The following FAF1 variants were observed in gnomAD, a reference collection of about 807,000 sequenced individuals.
FAF1 encodes FAS-associated factor 1.
Under a neutral mutation model 92.5 loss-of-function variants are expected in FAF1, and 25 were observed. That is an observed-to-expected ratio of 0.27 (90% confidence interval 0.20 to 0.38). FAF1 has a LOEUF of 0.38. Ranked by LOEUF, FAF1 falls within the 10% of genes least tolerant of loss-of-function variation. FAF1 has a pLI of 1.00. For synonymous variants in FAF1, 234 were observed against 273.2 expected, an observed-to-expected ratio of 0.86 and a Z score of 1.42; for missense variants, 636 against 793.3, an observed-to-expected ratio of 0.80 and a Z score of 2.38.
chr1:50,877,219 C>T (rs1051352541), intron 1 of FAF1, among the ~76,000 whole-genome samples: 1 of 152,206 alleles, frequency 6.6e-6, no homozygotes, highest in Non-Finnish European at 1.5e-5. Context: ...ATCAACAATG[C>T]TAAGTCATGT....
At chr1:50,632,135 A>G (rs1283170674) in intron 8 of FAF1, among the ~76,000 whole-genome samples, 1 of 152,230 alleles carries the variant, frequency 6.6e-6, no homozygotes, top group Non-Finnish European at 1.5e-5. Flanking sequence ...TAAGTTAACA[A>G]TAAGAAGTAA....
chr1:50,876,202 C>T (rs775393892), intron 1 of FAF1, among the ~76,000 whole-genome samples: 3 of 152,116 alleles, frequency 2.0e-5, no homozygotes, highest in Non-Finnish European at 4.4e-5. Flanking sequence ...GTACGTCAGG[C>T]AAATAAAAGG....
chr1:50,713,696 C>T (rs761752660), intron 6 of FAF1, among the ~76,000 whole-genome samples: 6 of 151,530 alleles, frequency 4.0e-5, no homozygotes, highest in Non-Finnish European at 7.4e-5. Flanking sequence ...CTCCTGGCTT[C>T]AAGTGATCCT....
chr1:50,772,519 T>TA (rs147924652), intron 4 of FAF1, among the ~76,000 whole-genome samples: 1 of 151,988 alleles, frequency 6.6e-6, no homozygotes, highest in African/African-American at 2.4e-5. Context: ...ACCACAGCCA[T>TA]AAAAAAAGAA....
At chr1:50,459,164 A>T (rs918034879) in intron 18 of FAF1, among the ~76,000 whole-genome samples, 7 of 151,812 alleles carry the variant, frequency 4.6e-5, no homozygotes, top group Admixed American at 3.3e-4. Flanking sequence ...AGTAGAGACG[A>T]TGTATTGCTA....
At chr1:50,633,977 C>G (rs74080030) in intron 8 of FAF1, among the ~76,000 whole-genome samples, 25 of 152,276 alleles carry the variant, frequency 1.6e-4, no homozygotes, top group African/African-American at 6.0e-4. Flanking sequence ...AACAAAAAGA[C>G]TTTCATTGGC....
intron 15 of FAF1, among the ~76,000 whole-genome samples, chr1:50,530,281 A>G (rs866655974): frequency 9.3e-4 from 113 of 121,064 alleles, no homozygotes; most frequent in South Asian, 3.7e-3. Context: ...GTGTGTATGT[A>G]TATATGTATA....
At chr1:50,515,962 G>C in intron 15 of FAF1, among the ~76,000 whole-genome samples, 1 of 151,890 alleles carries the variant, frequency 6.6e-6, no homozygotes, top group Non-Finnish European at 1.5e-5. Flanking sequence ...TATATTATTA[G>C]TATTACTGCA....
chr1:50,499,393 C>T (rs1192165518), intron 15 of FAF1, among the ~76,000 whole-genome samples: 1 of 144,878 alleles, frequency 6.9e-6, no homozygotes, highest in Non-Finnish European at 1.5e-5. Context: ...TAAATAGATG[C>T]CCTCTTTATC....
chr1:50,710,950 C>T (rs927659073), intron 6 of FAF1, among the ~76,000 whole-genome samples: 1 of 145,222 alleles, frequency 6.9e-6, no homozygotes, highest in Non-Finnish European at 1.5e-5. Context: ...TGCACTGTCA[C>T]CCAGGCTGGA....
At chr1:50,826,752 CA>C (rs1201571108) in intron 2 of FAF1, among the ~76,000 whole-genome samples, 1 of 151,970 alleles carries the variant, frequency 6.6e-6, no homozygotes, top group East Asian at 1.9e-4. Flanking sequence ...TTTAGATAGA[CA>C]AACTCTTAAC....
rs79952613 is a variant in FAF1, at chr1:50,603,533, G to A, written c.745-7317C>T. The stretch of plus-strand genomic sequence containing the variant: ...TAGATTACTGAGGTAGTTTTAAACC[G>A]AACTGAGTCATGAGGCTAAAATTTC... On this transcript the variant is annotated intron_variant, in intron 8 of 18. Transcript: ENST00000396153. 5.5e-4 allele frequency among the ~76,000 whole-genome samples: 84 copies of A among 152,238 alleles called. No individual in the cohort carries two copies. The East Asian group carries it at 8.1e-3, about 15-fold the overall frequency.
intron 17 of FAF1, among the ~76,000 whole-genome samples, chr1:50,485,864 G>C (rs1162205018): frequency 6.6e-6 from 1 of 151,992 alleles, no homozygotes; most frequent in Non-Finnish European, 1.5e-5. Flanking sequence ...GCAGGGGAGA[G>C]AGAGAGAGAA....
intron 2 of FAF1, among the ~76,000 whole-genome samples, chr1:50,848,666 T>G (rs1055687871): frequency 3.3e-5 from 5 of 152,134 alleles, no homozygotes; most frequent in Non-Finnish European, 7.4e-5. Context: ...TGTTACACTA[T>G]GAAAAATAAA....
At chr1:50,647,549 T>A (rs996994620) in intron 8 of FAF1, among the ~76,000 whole-genome samples, 15 of 152,352 alleles carry the variant, frequency 9.8e-5, no homozygotes, top group South Asian at 2.1e-4. Context: ...AGTTTTCTTT[T>A]AACAGAGTTG....
At chr1:50,906,455 T>C (rs1191627392) in intron 1 of FAF1, among the ~76,000 whole-genome samples, 1 of 152,204 alleles carries the variant, frequency 6.6e-6, no homozygotes, top group East Asian at 1.9e-4. Context: ...ATTGAATCTA[T>C]AAATTATCTT....
At chr1:50,859,722 A>T (rs1460337302) in intron 1 of FAF1, among the ~76,000 whole-genome samples, 1 of 151,886 alleles carries the variant, frequency 6.6e-6, no homozygotes, top group Non-Finnish European at 1.5e-5. Context: ...CAAACTACCA[A>T]TGTTATTTGT....
intron 7 of FAF1, among the ~76,000 whole-genome samples, chr1:50,682,678 A>G (rs542496150): frequency 5.3e-5 from 8 of 152,356 alleles, no homozygotes; most frequent in Non-Finnish European, 8.8e-5. Context: ...TACTGGTATT[A>G]TCTCAGCCAT....
chr1:50,610,812 A>G (rs1197412261), intron 8 of FAF1, among the ~76,000 whole-genome samples: 1 of 152,120 alleles, frequency 6.6e-6, no homozygotes, highest in Non-Finnish European at 1.5e-5. Flanking sequence ...TCAAATTAGC[A>G]TTGTACCAAG....
Sources: allele counts gnomAD v4.1 joint callset (sites outside exome capture counted in the v4.1 genomes callset), GRCh38; gene constraint gnomAD v4.1.1; transcripts MANE v1.5; gene names NCBI Gene and HGNC (gene_info 2026-07-23, HGNC 2026-07-21).